Variants in SBF2 observed in about 807,000 individuals in gnomAD.
The protein encoded by SBF2 is SET binding factor 2.
In SBF2, 112 loss-of-function variants were observed where a neutral mutation model predicts 225.2. The ratio of observed to expected loss-of-function variants is 0.50; its 90% CI spans 0.43 to 0.58. The LOEUF is 0.58. Ranked by LOEUF, SBF2 falls within the 20% of genes least tolerant of loss-of-function variation. The pLI is 0.00. For missense variants in SBF2, 1,996 were observed against 2,206.2 expected (o/e 0.90, Z 1.91); for synonymous variants, 763 against 773.3 (o/e 0.99, Z 0.22).
Position 10,113,240 on chromosome 11 carries a change from G to A in SBF2, c.142-70259C>T, listed in dbSNP as rs145451754. Among the ~76,000 whole-genome samples the A allele has an allele frequency of 2.8e-3, 430 of 152,194 alleles. 3 individuals are homozygous for A. Among genetic ancestry groups the A allele is most frequent in the African/African-American group, 1.0e-2 (415 of 41,528 alleles). ...AACCCCTGGGCTCAAGCAGTCCTCC[G>A]AAATCAATCTCCCAAAGTGCTGGGA... On this transcript the variant is annotated intron_variant, in intron 2 of 39. Transcript: ENST00000256190.
intron 18 of SBF2, among the ~76,000 whole-genome samples, chr11:9,856,971 TAG>T (rs1857371540): frequency 6.6e-6 from 1 of 152,032 alleles, no homozygotes; most frequent in Non-Finnish European, 1.5e-5. Context: ...GTATTTTTAG[TAG>T]AGACGGGGTT....
intron 1 of SBF2, among the ~76,000 whole-genome samples, chr11:10,214,901 C>G (rs1057362178): frequency 6.6e-6 from 1 of 152,152 alleles, no homozygotes; most frequent in African/African-American, 2.4e-5. Context: ...AGATAAGAAT[C>G]AGATGCTCAC....
At chr11:10,015,602 T>C (rs547342880) in intron 6 of SBF2, among the ~76,000 whole-genome samples, 22 of 152,344 alleles carry the variant, frequency 1.4e-4, no homozygotes, top group African/African-American at 5.1e-4. Context: ...CTAAAGGGAC[T>C]GACCCTTGAG....
Position 10,106,349 on chromosome 11 carries a change from G to A in SBF2, c.142-63368C>T, listed in dbSNP as rs111750116. Among the ~76,000 whole-genome samples the A allele has an allele frequency of 4.8e-3, 726 of 152,260 alleles. 10 individuals are homozygous for A. The highest frequency in any genetic ancestry group is 0.016 in the African/African-American group (663 of 41,558). On this transcript the variant is annotated intron_variant, in intron 2 of 39. Transcript: ENST00000256190. ...TACACACCAAAAAACACAACTGGCC[G>A]GGCACAGTGGCTCATGCCTGTAATC...
At chr11:10,200,526 T>C (rs1467053749) in intron 1 of SBF2, among the ~76,000 whole-genome samples, 1 of 152,210 alleles carries the variant, frequency 6.6e-6, no homozygotes, top group Non-Finnish European at 1.5e-5. Flanking sequence ...GAATGAAACA[T>C]GTAAATCCCT....
At chr11:10,003,569 G>A (rs553586628) in intron 6 of SBF2, among the ~76,000 whole-genome samples, 6 of 151,838 alleles carry the variant, frequency 4.0e-5, no homozygotes, top group East Asian at 3.9e-4. Context: ...GGGTTTCACC[G>A]TGTTAAGCAG....
intron 13 of SBF2, among the ~76,000 whole-genome samples, chr11:9,975,518 A>G (rs7109648): frequency 0.15 from 22,308 of 152,132 alleles, 1,771 homozygotes; most frequent in African/African-American, 0.18. Context: ...ACTTTGGGGG[A>G]GTGATAGAAA....
At chr11:9,912,784 C>T (rs934916729) in intron 16 of SBF2, among the ~76,000 whole-genome samples, 9 of 152,162 alleles carry the variant, frequency 5.9e-5, no homozygotes, top group Non-Finnish European at 8.8e-5. Context: ...CTACACATTT[C>T]TCAGCATGTA....
chr11:9,893,800 G>A (rs1035871154), intron 17 of SBF2, among the ~76,000 whole-genome samples: 3 of 152,208 alleles, frequency 2.0e-5, no homozygotes, highest in African/African-American at 7.2e-5. Flanking sequence ...CTAGATCTGG[G>A]AAGGGGCTCT....
rs1180184303 is a variant in SBF2 at position 10,270,994 on chromosome 11, C to CAA, written c.55+23019_55+23020dup. Reference sequence around the variant, plus strand: ...TGGGCGACAGAGCAAGACTCTGTCTCAAAAAAAAAAAAAAAAAAAAAAAAA... The same window carrying CAA: ...TGGGCGACAGAGCAAGACTCTGTCTCAAAAAAAAAAAAAAAAAAAAAAAAAAA... On this transcript the variant is annotated intron_variant, in intron 1 of 39. Transcript: ENST00000256190. 9.3e-3 allele frequency among the ~76,000 whole-genome samples: 256 copies of CAA among 27,654 alleles called. 19 individuals are homozygous for CAA. Among genetic ancestry groups the CAA allele is most frequent in the African/African-American group, 0.024 (184 of 7,820 alleles). 18.1% of individuals were successfully genotyped at this position (27,654 alleles called of 152,430 possible).
At chr11:10,148,614 T>A (rs1001621033) in intron 2 of SBF2, among the ~76,000 whole-genome samples, 1 of 152,050 alleles carries the variant, frequency 6.6e-6, no homozygotes, top group Non-Finnish European at 1.5e-5. Flanking sequence ...ATACATAATC[T>A]TCTTCATCAG....
At chr11:10,021,446 A>C (rs1201614629) in intron 6 of SBF2, among the ~76,000 whole-genome samples, 2 of 149,304 alleles carry the variant, frequency 1.3e-5, no homozygotes, top group African/African-American at 2.5e-5. Flanking sequence ...TGCCAAAAAA[A>C]CAAAAAAAAC....
At position 9,939,341 on chromosome 11, in the gene SBF2, C is replaced by T. The variant is rs183267626; in HGVS notation, c.1860+22616G>A. ...TTGATCTCCGGACCTTGTGATCCGC[C>T]CACCTTAGCCTCCCAAAGTGCTGGT... On this transcript the variant is annotated intron_variant, in intron 16 of 39. Coordinates refer to ENST00000256190, the MANE Select transcript of SBF2 (RefSeq NM_030962.4). Among the ~76,000 whole-genome samples, 21 of 151,456 alleles carry T rather than the reference C, an allele frequency of 1.4e-4. No homozygotes were observed. In the East Asian group the frequency reaches 3.7e-3, roughly 27 times the overall value.
Position 9,811,150 on chromosome 11 carries a change from T to C in SBF2, c.4155+1382A>G, listed in dbSNP as rs1315305428. 4 of 152,158 alleles carry C rather than the reference T, an allele frequency of 2.6e-5. No individual in the cohort carries two copies. The East Asian group carries it at 7.7e-4, about 29-fold the overall frequency. 9.4% of individuals were successfully genotyped at this position (152,158 alleles called of 1,614,324 possible). ...GTGGGAGCTAAACATTGAGTACACA[T>C]GGACACAAAGAAAGGAATAGACGCC... is the stretch of plus-strand genomic sequence containing the variant. On this transcript the variant is annotated intron_variant, in intron 30 of 39. Transcript: ENST00000256190.
intron 1 of SBF2, among the ~76,000 whole-genome samples, chr11:10,223,427 ATATATAT>A (rs1379512225): frequency 8.8e-5 from 10 of 113,380 alleles, no homozygotes; most frequent in African/African-American, 2.9e-4. Flanking sequence ...ATATATATAT[ATATATAT>A]ATATATATAG....
chr11:10,090,708 T>G (rs1590933600), intron 2 of SBF2, among the ~76,000 whole-genome samples: 1 of 137,284 alleles, frequency 7.3e-6, no homozygotes, highest in African/African-American at 2.8e-5. Flanking sequence ...GAGGCTGCAG[T>G]GAGCCGAGAT....
intron 17 of SBF2, among the ~76,000 whole-genome samples, chr11:9,863,206 C>T (rs1393021685): frequency 1.3e-5 from 2 of 152,184 alleles, no homozygotes; most frequent in East Asian, 3.8e-4. Flanking sequence ...GGCTCACCAA[C>T]CAGCAGGCCA....
At chr11:9,845,894 A>C (rs920449809) in intron 23 of SBF2, among the ~76,000 whole-genome samples, 154 bp from the exon 24 acceptor site, 5 of 152,226 alleles carry the variant, frequency 3.3e-5, no homozygotes, top group African/African-American at 1.2e-4. Context: ...TTTAAAAATA[A>C]AAAAAGGCTC....
chr11:9,806,619 G>C (rs1267061702), intron 32 of SBF2, among the ~76,000 whole-genome samples: 1 of 152,130 alleles, frequency 6.6e-6, no homozygotes, highest in Non-Finnish European at 1.5e-5. Flanking sequence ...AGAGTTTAAA[G>C]GTACATGCTT....
Sources: gnomAD v4.1 joint callset for allele counts (sites outside exome capture counted in the v4.1 genomes callset) on GRCh38, gnomAD v4.1.1 for gene constraint, MANE v1.5 for transcripts, NCBI Gene and HGNC (gene_info 2026-07-23, HGNC 2026-07-21) for gene names.